THSD4: variants seen among roughly 807,000 people sequenced by gnomAD.
The protein encoded by THSD4 is thrombospondin type 1 domain containing 4.
THSD4 carries 69 observed loss-of-function variants against 119.0 expected under a neutral mutation model. The observed-to-expected ratio is 0.58, with a 90% CI of 0.48 to 0.71. THSD4 has a LOEUF of 0.71. Among genes scored for constraint, THSD4 ranks in the 30% least tolerant of loss-of-function variants. The probability of loss-of-function intolerance (pLI) is 0.00; values close to 1 mark genes in which losing one functional copy is unlikely to be tolerated. For synonymous variants in THSD4, 524 were observed against 540.4 expected (o/e 0.97, Z 0.42); for missense variants, 1,393 against 1,391.1 (o/e 1.00, Z -0.02).
At chr15:71,529,194 GCTTTAC>G in intron 7 of THSD4, among the ~76,000 whole-genome samples, 1 of 152,306 alleles carries the variant, frequency 6.6e-6, no homozygotes, top group East Asian at 1.9e-4. Flanking sequence ...GTTGTGTGGA[GCTTTAC>G]CCTCCCTGCC....
At chr15:71,288,034 A>G (rs1300293520) in intron 6 of THSD4, among the ~76,000 whole-genome samples, 1 of 152,232 alleles carries the variant, frequency 6.6e-6, no homozygotes, top group East Asian at 1.9e-4. Context: ...GCCACCTACA[A>G]AGTGCACTGG....
intron 7 of THSD4, among the ~76,000 whole-genome samples, chr15:71,616,487 A>G (rs1313960552): frequency 6.6e-6 from 1 of 152,234 alleles, no homozygotes; most frequent in Non-Finnish European, 1.5e-5. Context: ...CAATTGAGAA[A>G]GAGATGGCAT....
At chr15:71,739,348 A>T (rs952341694) in intron 11 of THSD4, among the ~76,000 whole-genome samples, 7 of 152,198 alleles carry the variant, frequency 4.6e-5, no homozygotes, top group African/African-American at 1.4e-4. Flanking sequence ...AAAAGAAAAG[A>T]TAGAGTTGTA....
At chr15:71,260,702 G>C (rs191950423) in intron 6 of THSD4, among the ~76,000 whole-genome samples, 38 of 152,140 alleles carry the variant, frequency 2.5e-4, no homozygotes, top group African/African-American at 7.7e-4. Context: ...CTTCTGTCTC[G>C]GGCAGGCGAG....
At chr15:71,268,590 A>C (rs1356220564) in intron 6 of THSD4, among the ~76,000 whole-genome samples, 1 of 151,990 alleles carries the variant, frequency 6.6e-6, no homozygotes, top group Admixed American at 6.6e-5. Flanking sequence ...AGCAGAAGAC[A>C]AGAAATAACT....
chr15:71,355,522 A>G (rs546325971), intron 6 of THSD4, among the ~76,000 whole-genome samples: 5 of 152,244 alleles, frequency 3.3e-5, no homozygotes, highest in African/African-American at 1.2e-4. Context: ...TTTCATGACA[A>G]GTGTGGACCT....
intron 8 of THSD4, among the ~76,000 whole-genome samples, chr15:71,704,129 T>C (rs2052349121): frequency 6.6e-6 from 1 of 152,220 alleles, no homozygotes; most frequent in African/African-American, 2.4e-5. Flanking sequence ...ATTACAGGTG[T>C]GAGCCACTGC....
intron 6 of THSD4, among the ~76,000 whole-genome samples, chr15:71,293,296 G>C (rs903896795): frequency 6.6e-6 from 1 of 152,118 alleles, no homozygotes; most frequent in East Asian, 1.9e-4. Flanking sequence ...TTCCTCTCAG[G>C]TGGTTGGTTT....
intron 7 of THSD4, 48 bp from the exon 8 acceptor site, chr15:71,660,482 A>G (rs779838849): frequency 1.4e-5 from 22 of 1,607,936 alleles, no homozygotes; most frequent in Non-Finnish European, 1.8e-5. Flanking sequence ...CTTCCTCTGC[A>G]TGCTCCTGAT....
chr15:71,117,278 A>T (rs2040371402), intron 1 of THSD4, among the ~76,000 whole-genome samples: 1 of 152,198 alleles, frequency 6.6e-6, no homozygotes, highest in Non-Finnish European at 1.5e-5. Context: ...TGTTAGCGAA[A>T]GAAAAATACA....
intron 10 of THSD4, among the ~76,000 whole-genome samples, chr15:71,735,462 C>G (rs1053779817): frequency 2.0e-5 from 3 of 151,076 alleles, no homozygotes; most frequent in Non-Finnish European, 3.0e-5. Flanking sequence ...CTCTCTCTCT[C>G]TCTCTCTCTT....
intron 1 of THSD4, among the ~76,000 whole-genome samples, chr15:71,105,339 G>A (rs1436335101): frequency 6.6e-6 from 1 of 152,204 alleles, no homozygotes; most frequent in South Asian, 2.1e-4. Context: ...ACTTAGGTGA[G>A]GTCTAGAAGG....
In THSD4 at chr15:71,695,277, G is replaced by A. The variant is rs985313729; in HGVS notation, c.1358-33272G>A. ...GTTTAACCTGGCCCATTTTAAATTA[G>A]GTCCTTTAAGCCTCTCTAATCTACA... On this transcript the variant is annotated intron_variant, in intron 8 of 17. Transcript: ENST00000261862. Among the ~76,000 whole-genome samples the A allele has an allele frequency of 2.6e-5, 4 of 152,008 alleles. No individual in the cohort carries two copies. The East Asian group carries it at 5.8e-4, about 22-fold the overall frequency.
Position 71,256,645 on chromosome 15 carries a change from G to T in THSD4, c.945G>T (p.Glu315Asp). ...VCPESSRSIREVQCASYNNKP... is the reference protein window; with the variant it reads ...VCPESSRSIRDVQCASYNNKP... ...CAGAAAGCAGTAGAAGTATCCGGGA[G>T]GTACAGTGTGCATCCTACAACAACA... Residue 315 changes from glutamate (E) to aspartate (D), a missense_variant, in exon 6 of 18, where the codon GAG becomes GAT. Glu to Asp is a conservative substitution (Grantham distance 45, BLOSUM62 2). Transcript: ENST00000261862. 2 of 1,614,036 alleles carry T rather than the reference G, an allele frequency of 1.2e-6. No individual in the cohort carries two copies. The highest frequency in any genetic ancestry group is 1.7e-6 in the Non-Finnish European group (2 of 1,179,950).
intron 16 of THSD4, chr15:71,766,555 A>C (rs752340014): frequency 1.3e-5 from 2 of 152,222 alleles, no homozygotes; most frequent in Non-Finnish European, 2.9e-5. Flanking sequence ...AGCAAACCAC[A>C]TCTCAGAGGT....
chr15:71,257,255 T>C (rs2140289328), intron 6 of THSD4, among the ~76,000 whole-genome samples: 1 of 152,304 alleles, frequency 6.6e-6, no homozygotes, highest in Middle Eastern at 3.4e-3. Context: ...GTAGAGCAAG[T>C]TGATCCCACT....
At chr15:71,723,697 T>C (rs1381479615) in intron 8 of THSD4, among the ~76,000 whole-genome samples, 2 of 152,110 alleles carry the variant, frequency 1.3e-5, no homozygotes, top group Non-Finnish European at 2.9e-5. Context: ...GTTTCTTGCA[T>C]CCCTTAGAGC....
chr15:71,608,491 AATTT>A (rs1324337504), intron 7 of THSD4, among the ~76,000 whole-genome samples: 1 of 152,132 alleles, frequency 6.6e-6, no homozygotes, highest in Non-Finnish European at 1.5e-5. Context: ...AGCATGCAAT[AATTT>A]ATTTAATCAT....
At chr15:71,495,890 A>G (rs1233021909) in intron 7 of THSD4, among the ~76,000 whole-genome samples, 1 of 152,320 alleles carries the variant, frequency 6.6e-6, no homozygotes, top group South Asian at 2.1e-4. Flanking sequence ...TGGTAGAGTC[A>G]CTAGAGGGAC....
Sources: allele counts gnomAD v4.1 joint callset (sites outside exome capture counted in the v4.1 genomes callset), GRCh38; gene constraint gnomAD v4.1.1; transcripts MANE v1.5; gene names NCBI Gene and HGNC (gene_info 2026-07-23, HGNC 2026-07-21).